Variants in ANKRD62 observed in about 807,000 individuals in gnomAD.
ANKRD62 encodes the protein ankyrin repeat domain-containing protein 62.
Under a neutral mutation model 98.8 loss-of-function variants are expected in ANKRD62, and 61 were observed. The ratio of observed to expected loss-of-function variants is 0.62; its 90% CI spans 0.50 to 0.76. ANKRD62 has a LOEUF of 0.76. ANKRD62 is among the 30% of genes least tolerant of loss of function. The pLI, the probability that ANKRD62 is intolerant of heterozygous loss-of-function variation, is 0.00. For missense variants in ANKRD62, 933 were observed against 1,082.9 expected (o/e 0.86, Z 1.94); for synonymous variants, 341 against 367.9 (o/e 0.93, Z 0.84).
the ANKRD62 span, among the ~76,000 whole-genome samples, chr18:12,160,656 C>A: frequency 6.4e-4 from 98 of 152,246 alleles, no homozygotes; most frequent in Admixed American, 3.3e-3. Context: ...TTTATGTTAT[C>A]TATCAGCAGC....
At chr18:12,173,448 C>T in the ANKRD62 span, among the ~76,000 whole-genome samples, 1 of 152,202 alleles carries the variant, frequency 6.6e-6, no homozygotes, top group Non-Finnish European at 1.5e-5. Flanking sequence ...TTTTATCCAG[C>T]TTGCCACTCT....
chr18:12,161,824 T>A, the ANKRD62 span, among the ~76,000 whole-genome samples: 1 of 152,162 alleles, frequency 6.6e-6, no homozygotes, highest in Non-Finnish European at 1.5e-5. Flanking sequence ...TGACCTCCAG[T>A]TCCATCCATG....
At chr18:12,145,913 T>G in the ANKRD62 span, among the ~76,000 whole-genome samples, 1 of 152,162 alleles carries the variant, frequency 6.6e-6, no homozygotes, top group African/African-American at 2.4e-5. Context: ...GGATCCCGTT[T>G]CTCTTCACTT....
chr18:12,166,439 AT>A, the ANKRD62 span, among the ~76,000 whole-genome samples: 1 of 152,094 alleles, frequency 6.6e-6, no homozygotes, highest in Non-Finnish European at 1.5e-5. Flanking sequence ...ATTCTTCAGT[AT>A]GTCAATTTTT....
At chr18:12,117,510 G>A (rs1230517714) in intron 10 of ANKRD62, among the ~76,000 whole-genome samples, 1 of 152,178 alleles carries the variant, frequency 6.6e-6, no homozygotes, top group Non-Finnish European at 1.5e-5. Flanking sequence ...CTGCATAAAA[G>A]CAGTGAAAGC....
At chr18:12,173,326 T>A in the ANKRD62 span, among the ~76,000 whole-genome samples, 1 of 152,244 alleles carries the variant, frequency 6.6e-6, no homozygotes, top group Non-Finnish European at 1.5e-5. Flanking sequence ...CTTGCTTTTT[T>A]CTGTTTTCCA....
the ANKRD62 span, among the ~76,000 whole-genome samples, chr18:12,139,779 A>G: frequency 5.3e-5 from 8 of 151,668 alleles, no homozygotes; most frequent in African/African-American, 1.7e-4. Flanking sequence ...TGCCCTTAAC[A>G]TTTTTTCCTT....
the ANKRD62 span, among the ~76,000 whole-genome samples, chr18:12,164,868 C>A: frequency 6.6e-6 from 1 of 151,878 alleles, no homozygotes; most frequent in African/African-American, 2.4e-5. Context: ...ATGTTCAATG[C>A]TGAAAGTGGG....
At chr18:12,119,925 C>G (rs537587443) in intron 10 of ANKRD62, among the ~76,000 whole-genome samples, 1 of 151,966 alleles carries the variant, frequency 6.6e-6, no homozygotes, top group South Asian at 2.1e-4. Flanking sequence ...AAAATATTTT[C>G]TTTTTTCATC....
intron 8 of ANKRD62, among the ~76,000 whole-genome samples, chr18:12,110,991 C>T (rs1436238138): frequency 2.6e-5 from 4 of 152,256 alleles, no homozygotes; most frequent in Middle Eastern, 3.4e-3. Flanking sequence ...CAGTGGCTCA[C>T]GCCTGTAATC....
chr18:12,146,450 C>T, the ANKRD62 span, among the ~76,000 whole-genome samples: 13 of 151,978 alleles, frequency 8.6e-5, no homozygotes, highest in African/African-American at 3.1e-4. Context: ...TTTGGGGGGG[C>T]GTGTGTGTGT....
intron 3 of ANKRD62, 22 bp downstream of exon 3, chr18:12,095,632 T>G: frequency 1.4e-6 from 2 of 1,452,604 alleles, no homozygotes; most frequent in Non-Finnish European, 1.8e-6. Context: ...CAATGTTCTT[T>G]TCAAAGTATT....
the ANKRD62 span, among the ~76,000 whole-genome samples, chr18:12,156,042 C>T: frequency 6.6e-6 from 1 of 151,446 alleles, no homozygotes; most frequent in African/African-American, 2.4e-5. Context: ...CTGATACTAC[C>T]TTCTCTCTCT....
chr18:12,136,239 T>C, the ANKRD62 span, among the ~76,000 whole-genome samples: 2 of 151,996 alleles, frequency 1.3e-5, no homozygotes, highest in Admixed American at 6.6e-5. Context: ...AAGGAAGGGA[T>C]CCAGTTTCAG....
the ANKRD62 span, among the ~76,000 whole-genome samples, chr18:12,158,712 T>G: frequency 6.7e-6 from 1 of 150,320 alleles, no homozygotes; most frequent in Admixed American, 6.6e-5. Flanking sequence ...TTTTTTGTAT[T>G]TTTAGTAGAG....
the ANKRD62 span, among the ~76,000 whole-genome samples, chr18:12,158,249 C>G: frequency 6.6e-6 from 1 of 152,228 alleles, no homozygotes; most frequent in Admixed American, 6.5e-5. Flanking sequence ...CCAGCTGATG[C>G]TGATCACACC....
the ANKRD62 span, among the ~76,000 whole-genome samples, chr18:12,162,603 G>T: frequency 6.6e-6 from 1 of 152,024 alleles, no homozygotes; most frequent in African/African-American, 2.4e-5. Flanking sequence ...CCAATCCAAT[G>T]TCCTAGAGAG....
chr18:12,154,434 G>A, the ANKRD62 span, among the ~76,000 whole-genome samples: 1 of 152,160 alleles, frequency 6.6e-6, no homozygotes, highest in African/African-American at 2.4e-5. Flanking sequence ...TTATAAGAAA[G>A]TCAGGAAACA....
At chr18:12,103,852 G>A (rs534856745) in intron 7 of ANKRD62, among the ~76,000 whole-genome samples, 26 of 152,148 alleles carry the variant, frequency 1.7e-4, no homozygotes, top group Non-Finnish European at 2.9e-4. Context: ...AAAATCAACT[G>A]TCATTTGTGG....
Sources: gnomAD v4.1 joint callset for allele counts (sites outside exome capture counted in the v4.1 genomes callset) on GRCh38, gnomAD v4.1.1 for gene constraint, MANE v1.5 for transcripts, NCBI Gene and HGNC (gene_info 2026-07-23, HGNC 2026-07-21) for gene names.